The following NUMA1 variants were observed in gnomAD, a reference collection of about 807,000 sequenced individuals.
NUMA1 encodes the protein nuclear mitotic apparatus protein 1, also known as SP-H antigen.
NUMA1 carries 62 observed loss-of-function variants against 237.1 expected under a neutral mutation model. The ratio of observed to expected loss-of-function variants is 0.26; its 90% CI spans 0.21 to 0.32. The LOEUF is 0.32. NUMA1 is among the 10% of genes least tolerant of loss of function. The pLI is 1.00. For synonymous variants in NUMA1, 1,028 were observed against 1,066.1 expected, an observed-to-expected ratio of 0.96 and a Z score of 0.70; for missense variants, 2,533 against 2,666.5, an observed-to-expected ratio of 0.95 and a Z score of 1.10.
At position 72,003,631 on chromosome 11, in the gene NUMA1, TG is replaced by T. The variant is rs1215445185; in HGVS notation, c.6337-94del. On this transcript the variant is annotated intron_variant, in intron 26 of 26. Transcript: ENST00000393695. The stretch of plus-strand genomic sequence containing the variant: ...AGATCTCTTCCTGCTCCCACGCCCC[TG>T]TCTGGATCCCCTCCCTTGTGAGCCC... The T allele has an allele frequency of 2.0e-6, 3 of 1,515,374 alleles. No homozygotes were observed. The African/African-American group carries it at 4.1e-5, about 21-fold the overall frequency. 93.9% of individuals were successfully genotyped at this position (1,515,374 alleles called of 1,614,324 possible).
chr11:72,075,012 C>T (rs888029712), intron 1 of NUMA1, among the ~76,000 whole-genome samples: 37 of 149,232 alleles, frequency 2.5e-4, no homozygotes, highest in African/African-American at 9.4e-4. Context: ...CCAGCCTGGG[C>T]GACAGAGTGA....
chr11:72,007,434 T>G lies in NUMA1; in HGVS notation c.5218A>C (p.Lys1740Gln), dbSNP rs1208965326. 1 of 1,613,242 alleles carries G rather than the reference T, an allele frequency of 6.2e-7. No individual in the cohort carries two copies. Among genetic ancestry groups the G allele is most frequent in the Admixed American group, 1.7e-5 (1 of 59,994 alleles). ...EEGTPLSITSKLPRTQPDGTS... is the reference protein window; with the variant it reads ...EEGTPLSITSQLPRTQPDGTS... ...CCGTCTGGCTGGGTACGAGGCAGCTTGCTATGGAAAGGAAACCTGCTGAGG... is the reference window on the plus strand; with the variant it reads ...CCGTCTGGCTGGGTACGAGGCAGCTGGCTATGGAAAGGAAACCTGCTGAGG... The change falls in exon 21 of 27, where the codon AAG (lysine) becomes CAG (glutamine). Residue 1740 changes from lysine (K) to glutamine (Q), a missense_variant and splice_region_variant. By Grantham distance (53) the Lys-to-Gln change is moderately conservative. Coordinates refer to ENST00000393695, the MANE Select transcript of NUMA1 (RefSeq NM_006185.4).
intron 20 of NUMA1, chr11:72,008,408 T>G: frequency 2.2e-6 from 1 of 462,850 alleles, no homozygotes; most frequent in Non-Finnish European, 4.0e-6. Context: ...GTCAGGCTCT[T>G]TCACAGCCTC....
At chr11:72,012,806 A>G (rs1956242068) in intron 15 of NUMA1, 89 bp downstream of exon 15, 2 of 1,519,088 alleles carry the variant, frequency 1.3e-6, no homozygotes, top group Non-Finnish European at 1.8e-6. Context: ...ACTCCAGTGT[A>G]GGAGCTAGAG....
intron 2 of NUMA1, among the ~76,000 whole-genome samples, chr11:72,037,237 G>A (rs1216595919): frequency 6.6e-6 from 1 of 152,212 alleles, no homozygotes; most frequent in Non-Finnish European, 1.5e-5. Flanking sequence ...TGGGAGCAGT[G>A]GCTCACGCCT....
At position 72,021,045 on chromosome 11, in the gene NUMA1, C is replaced by T. The variant is rs1590938919; in HGVS notation, c.460+159G>A. On this transcript the variant is annotated intron_variant, in intron 8 of 26. Transcript: ENST00000393695. Reference sequence around the variant, plus strand: ...TAGGAACTGAGATGATACAACATGGCCCAGAAATCGACCTACTCCATTACA... The same window carrying T: ...TAGGAACTGAGATGATACAACATGGTCCAGAAATCGACCTACTCCATTACA... 6.3e-6 allele frequency: 4 copies of T among 632,468 alleles called. No homozygotes were observed. In the South Asian group the frequency reaches 7.7e-5, roughly 12 times the overall value. The allele number at this position is 632,468 out of a possible 1,614,324, so 39.2% of individuals were successfully genotyped here.
chr11:72,030,065 T>G (rs1940092060), intron 3 of NUMA1, among the ~76,000 whole-genome samples: 2 of 152,064 alleles, frequency 1.3e-5, no homozygotes, highest in African/African-American at 4.8e-5. Context: ...CCAAGCGCGG[T>G]GGCTCACACC....
rs756232021 is a variant in NUMA1 at position 72,013,935 on chromosome 11, G to A, written c.3568C>T (p.Arg1190Trp). 32 of 1,613,750 alleles carry A rather than the reference G, an allele frequency of 2.0e-5. No individual in the cohort carries two copies. The East Asian group carries it at 2.5e-4, about 12-fold the overall frequency. ...HSQSALASAQRELAAFRTKVQ... is the reference protein window; with the variant it reads ...HSQSALASAQWELAAFRTKVQ... ...TTGGTGCGGAAGGCAGCCAACTCCC[G>A]TTGGGCCGAGGCTAAGGCACTCTGA... Residue 1190 changes from arginine (R) to tryptophan (W), a missense_variant, in exon 15 of 27, where the codon CGG becomes TGG. Arg to Trp is a moderately radical substitution (Grantham distance 101). Coordinates refer to ENST00000393695, the MANE Select transcript of NUMA1 (RefSeq NM_006185.4). The surrounding 1 kb of genome is among the most constrained non-coding windows in gnomAD (Gnocchi z 6.8).
chr11:72,074,756 G>A lies in NUMA1; in HGVS notation c.-102-4845C>T, dbSNP rs528714572. On this transcript the variant is annotated intron_variant, in intron 1 of 26. Transcript: ENST00000393695. The stretch of plus-strand genomic sequence containing the variant: ...TCTGTCTCAAAATAACAAACAGGCT[G>A]GGTGCAATGGCTCACGCCTGTAATC... Among the ~76,000 whole-genome samples the A allele has an allele frequency of 8.5e-5, 13 of 152,082 alleles. 1 individual carries two copies. Among genetic ancestry groups the A allele is most frequent in the African/African-American group, 3.1e-4 (13 of 41,496 alleles).
chr11:72,064,880 C>G (rs992277864), intron 2 of NUMA1, among the ~76,000 whole-genome samples: 1 of 152,000 alleles, frequency 6.6e-6, no homozygotes, highest in Non-Finnish European at 1.5e-5. Context: ...TATGGTATGG[C>G]CCCATTTTTG....
At chr11:72,027,825 T>A (rs1283627492) in intron 4 of NUMA1, among the ~76,000 whole-genome samples, 12 of 152,178 alleles carry the variant, frequency 7.9e-5, no homozygotes, top group African/African-American at 2.7e-4. Context: ...GAGGGCCTAG[T>A]ATCCAGAATG....
chr11:72,010,266 C>G (rs1214825503), intron 17 of NUMA1, among the ~76,000 whole-genome samples: 4 of 152,106 alleles, frequency 2.6e-5, no homozygotes, highest in African/African-American at 9.7e-5. Flanking sequence ...CCTAGAACTG[C>G]AAAAAGCAAG....
chr11:72,074,182 G>A (rs1001693339), intron 1 of NUMA1, among the ~76,000 whole-genome samples: 1 of 13,862 alleles, frequency 7.2e-5, no homozygotes, highest in Non-Finnish European at 2.4e-4. Context: ...CACCAGGAGC[G>A]AAACTCCATC....
In NUMA1 at chr11:72,015,897, C is replaced by A; in HGVS notation, c.1606G>T (p.Ala536Ser). 1 of 1,614,096 alleles carries A rather than the reference C, an allele frequency of 6.2e-7. No homozygotes were observed. Residue 536 changes from alanine to serine, a missense_variant, in exon 15 of 27, where the codon GCA (alanine) becomes TCA (serine). Ala to Ser is a moderately conservative substitution (Grantham distance 99). Transcript: ENST00000393695. This position sits in a 1 kb window ranked among gnomAD's most constrained non-coding sequence, Gnocchi z 4.0. ...QQAKEKQAQL[A>S]QTLQQQEQAS... ...TGTTCTTGCTGTTGGAGGGTCTGTG[C>A]TAGCTGGGCCTGCTTCTCTTTGGCC...
intron 2 of NUMA1, among the ~76,000 whole-genome samples, chr11:72,069,638 G>C (rs1943358638): frequency 6.6e-6 from 1 of 152,084 alleles, no homozygotes; most frequent in Non-Finnish European, 1.5e-5. Flanking sequence ...AAAACCTCTG[G>C]ACACCACCCT....
rs1415848538 is a variant in NUMA1 at position 72,018,974 on chromosome 11, G to C, written c.591C>G (p.Leu197=). The change falls in exon 10 of 27, where the codon CTC becomes CTG. Residue 197 remains leucine, a synonymous_variant. Transcript: ENST00000393695. ...VASSSSGNNF[L]SGSPASPMGD... is the part of the protein sequence containing the mutation. ...CCATGGGAGAAGCTGGAGAACCTGA[G>C]AGAAAGCTGAGGAGGGAGAAGGCCC... 5 of 1,613,864 alleles carry C rather than the reference G, an allele frequency of 3.1e-6. No individual in the cohort carries two copies. Among genetic ancestry groups the C allele is most frequent in the Non-Finnish European group, 4.2e-6 (5 of 1,179,984 alleles).
intron 2 of NUMA1, among the ~76,000 whole-genome samples, chr11:72,069,209 T>C (rs1943337101): frequency 6.6e-6 from 1 of 152,202 alleles, no homozygotes; most frequent in South Asian, 2.1e-4. Flanking sequence ...AATTACACAT[T>C]ATATAATGAT....
In NUMA1 at chr11:72,012,397, T is replaced by C. The variant is rs762144668; in HGVS notation, c.4650+4A>G. The C allele has an allele frequency of 1.2e-6, 2 of 1,612,720 alleles. No individual in the cohort carries two copies. Among genetic ancestry groups the C allele is most frequent in the Non-Finnish European group, 1.7e-6 (2 of 1,179,442 alleles). The stretch of plus-strand genomic sequence containing the variant: ...CAGCATTTAGCGAGGACCTCAGGCA[T>C]TACCTGCTTAGTTTGCTCTCTCTGA... On this transcript the variant is annotated splice_donor_region_variant and intron_variant, in intron 16 of 26. Coordinates refer to ENST00000393695, the MANE Select transcript of NUMA1 (RefSeq NM_006185.4).
In NUMA1 at chr11:72,022,267, A is replaced by G. The variant is rs541746558; in HGVS notation, c.372+72T>C. 1.4e-4 allele frequency: 139 copies of G among 979,954 alleles called. No individual in the cohort carries two copies. In the African/African-American group the frequency reaches 1.7e-3, roughly 12 times the overall value. 60.7% of individuals were successfully genotyped at this position (979,954 alleles called of 1,614,324 possible). On this transcript the variant is annotated intron_variant, in intron 7 of 26. Coordinates refer to ENST00000393695, the MANE Select transcript of NUMA1 (RefSeq NM_006185.4). ...TTAAAAAGTCCAGTATCTGCTGTTC[A>G]AAGAAAAACAAGTCAGGTGAGGTGA...
Sources: allele counts gnomAD v4.1 joint callset (sites outside exome capture counted in the v4.1 genomes callset), GRCh38; gene constraint gnomAD v4.1.1; non-coding constraint Gnocchi (gnomAD v3.1); transcripts MANE v1.5; gene names NCBI Gene and HGNC (gene_info 2026-07-23, HGNC 2026-07-21).